SEC23B: variants seen among roughly 807,000 people sequenced by gnomAD.
SEC23B encodes protein transport protein Sec23B.
Under a neutral mutation model 104.3 loss-of-function variants are expected in SEC23B, and 77 were observed. That is an observed-to-expected ratio of 0.74 (90% CI 0.61 to 0.89). The LOEUF (loss-of-function observed/expected upper bound fraction) is 0.89. Among genes scored for constraint, SEC23B ranks in the 40% least tolerant of loss-of-function variants. The pLI is 0.00. For missense variants in SEC23B, 885 were observed against 949.4 expected (o/e 0.93, Z 0.89); for synonymous variants, 338 against 332.5 (o/e 1.02, Z -0.18).
At chr20:18,508,594 A>G (rs1377172362) in intron 1 of SEC23B, among the ~76,000 whole-genome samples, 1 of 151,690 alleles carries the variant, frequency 6.6e-6, no homozygotes, top group East Asian at 2.0e-4. Context: ...GTCCCCTTGG[A>G]TTATGTGTCC....
At chr20:18,560,591 T>C in intron 19 of SEC23B, 60 bp from the exon 20 acceptor site, 1 of 1,332,768 alleles carries the variant, frequency 7.5e-7, no homozygotes, top group Non-Finnish European at 1.1e-6. Context: ...GCTTGACAGC[T>C]CATGAATTCT....
chr20:18,537,317 A>T (rs1600256936), intron 12 of SEC23B, among the ~76,000 whole-genome samples: 1 of 152,108 alleles, frequency 6.6e-6, no homozygotes, highest in East Asian at 1.9e-4. Flanking sequence ...TCTATTCACA[A>T]TAGTAAAGAC....
At chr20:18,545,275 G>A (rs1437631385) in intron 14 of SEC23B, among the ~76,000 whole-genome samples, 1 of 152,186 alleles carries the variant, frequency 6.6e-6, no homozygotes, top group Non-Finnish European at 1.5e-5. Context: ...AACCATTGAA[G>A]AAGGCAGAAA....
At chr20:18,553,617 G>T (rs2060408522) in intron 17 of SEC23B, among the ~76,000 whole-genome samples, 1 of 152,226 alleles carries the variant, frequency 6.6e-6, no homozygotes, top group African/African-American at 2.4e-5. Flanking sequence ...TAGTCAGGGA[G>T]ACAGATCGTC....
intron 12 of SEC23B, among the ~76,000 whole-genome samples, chr20:18,537,164 T>TAC (rs2148910088): frequency 6.8e-6 from 1 of 146,358 alleles, no homozygotes; most frequent in East Asian, 2.0e-4. Flanking sequence ...AGTTCAATCC[T>TAC]TGTGGAAGTC....
At chr20:18,539,439 G>A (rs2060267495) in intron 12 of SEC23B, among the ~76,000 whole-genome samples, 1 of 149,524 alleles carries the variant, frequency 6.7e-6, no homozygotes, top group African/African-American at 2.5e-5. Flanking sequence ...GAACCCAGGA[G>A]GCGGAGGTTG....
intron 10 of SEC23B, 60 bp downstream of exon 10, chr20:18,530,863 A>G (rs2060180790): frequency 7.2e-7 from 1 of 1,389,224 alleles, no homozygotes; most frequent in East Asian, 2.3e-5. Flanking sequence ...GCTGGTCTCA[A>G]ACTCCTGGTC....
intron 4 of SEC23B, among the ~76,000 whole-genome samples, chr20:18,522,427 G>T (rs1568603514): frequency 6.6e-6 from 1 of 152,226 alleles, no homozygotes; most frequent in Non-Finnish European, 1.5e-5. Flanking sequence ...AGAGGAAAAA[G>T]AACTGGAATT....
intron 9 of SEC23B, among the ~76,000 whole-genome samples, chr20:18,530,477 C>CG (rs1464371105): frequency 1.3e-5 from 2 of 152,120 alleles, no homozygotes; most frequent in Non-Finnish European, 2.9e-5. Flanking sequence ...GCAAGTGATC[C>CG]GCCCTCCTTG....
chr20:18,521,045 C>T (rs2060079484), intron 4 of SEC23B, among the ~76,000 whole-genome samples: 1 of 152,100 alleles, frequency 6.6e-6, no homozygotes, highest in Admixed American at 6.6e-5. Context: ...GGCCAGATTT[C>T]CGGCACTTGA....
chr20:18,528,093 G>A (rs2060149562), intron 9 of SEC23B, among the ~76,000 whole-genome samples: 1 of 152,154 alleles, frequency 6.6e-6, no homozygotes, highest in Non-Finnish European at 1.5e-5. Context: ...TGGAGCAGTG[G>A]TTCTCAACAT....
intron 16 of SEC23B, among the ~76,000 whole-genome samples, chr20:18,550,064 CTA>C (rs1477137221): frequency 1.6e-4 from 24 of 146,456 alleles, no homozygotes; most frequent in Admixed American, 2.7e-4. Context: ...TATATAAGAA[CTA>C]TGTATATAAA....
intron 4 of SEC23B, among the ~76,000 whole-genome samples, chr20:18,516,250 T>TTTC (rs2060023583): frequency 8.8e-6 from 1 of 113,762 alleles, no homozygotes. Context: ...CAGTAATTCT[T>TTTC]TTTTTTTTTT....
At chr20:18,554,469 G>A in intron 18 of SEC23B, 79 bp downstream of exon 18, 1 of 1,509,546 alleles carries the variant, frequency 6.6e-7, no homozygotes, top group Non-Finnish European at 9.2e-7. Context: ...AAACAGGATG[G>A]TTAATATTTT....
intron 4 of SEC23B, among the ~76,000 whole-genome samples, chr20:18,517,327 G>C (rs1311550090): frequency 6.6e-6 from 1 of 152,206 alleles, no homozygotes; most frequent in Non-Finnish European, 1.5e-5. Flanking sequence ...CACAAAGTAC[G>C]TTCTCAAGGG....
At chr20:18,537,369 A>C (rs2060241691) in intron 12 of SEC23B, among the ~76,000 whole-genome samples, 1 of 152,098 alleles carries the variant, frequency 6.6e-6, no homozygotes, top group African/African-American at 2.4e-5. Context: ...GACTGGATTA[A>C]GAAAATGTGG....
intron 19 of SEC23B, among the ~76,000 whole-genome samples, chr20:18,556,514 A>C (rs540085621): frequency 6.6e-6 from 1 of 152,204 alleles, no homozygotes; most frequent in Non-Finnish European, 1.5e-5. Flanking sequence ...AGAAATTTCT[A>C]CTTAGACAAT....
At chr20:18,548,385 G>C (rs917588722) in intron 15 of SEC23B, among the ~76,000 whole-genome samples, 3 of 152,184 alleles carry the variant, frequency 2.0e-5, no homozygotes, top group Non-Finnish European at 2.9e-5. Flanking sequence ...CTGATGTCTA[G>C]AATTTTTCAC....
chr20:18,527,158 A>G (rs1475982473), intron 8 of SEC23B, among the ~76,000 whole-genome samples: 1 of 152,238 alleles, frequency 6.6e-6, no homozygotes, highest in East Asian at 1.9e-4. Context: ...CAGAGGTTGC[A>G]GTGAGCTGAG....
Sources: gnomAD v4.1 joint callset for allele counts (sites outside exome capture counted in the v4.1 genomes callset) on GRCh38, gnomAD v4.1.1 for gene constraint, MANE v1.5 for transcripts, NCBI Gene and HGNC (gene_info 2026-07-23, HGNC 2026-07-21) for gene names.